The following TSBP1 variants were observed in gnomAD, a reference collection of about 807,000 sequenced individuals.
The protein encoded by TSBP1 is testis-expressed basic protein 1.
Under a neutral mutation model 68.8 loss-of-function variants are expected in TSBP1, and 56 were observed. The ratio of observed to expected loss-of-function variants is 0.81; its 90% CI spans 0.66 to 1.02. TSBP1 has a LOEUF of 1.02. Ranked by LOEUF, TSBP1 falls within the 50% of genes least tolerant of loss-of-function variation. The probability of loss-of-function intolerance (pLI) is 0.00; values close to 1 mark genes in which losing one functional copy is unlikely to be tolerated. For synonymous variants in TSBP1, 171 were observed against 208.7 expected (o/e 0.82, Z 1.56); for missense variants, 502 against 641.2 (o/e 0.78, Z 2.34).
Position 32,314,881 on chromosome 6 carries a change from G to A in TSBP1, c.580+891C>T, listed in dbSNP as rs183469338. 6.6e-6 allele frequency among the ~76,000 whole-genome samples: 1 copy of A among 152,058 alleles called. No individual in the cohort carries two copies. The highest frequency in any genetic ancestry group is 1.5e-5 in the Non-Finnish European group (1 of 68,012). ...CTAGATGTGAATTCTTGCATGAAGA[G>A]GTTGGCTGGAGCTGGGCAGCAGCTA... On this transcript the variant is annotated intron_variant, in intron 19 of 22. Transcript: ENST00000612031. This position sits in a 1 kb window ranked among gnomAD's most constrained non-coding sequence, Gnocchi z 4.2.
intron 18 of TSBP1, among the ~76,000 whole-genome samples, chr6:32,318,527 A>C (rs914438247): frequency 5.3e-5 from 8 of 152,242 alleles, no homozygotes; most frequent in Non-Finnish European, 1.5e-5. Flanking sequence ...AAGCTAAAAA[A>C]AGCCAACCAA....
chr6:32,367,739 C>T (rs3129931), intron 4 of TSBP1, among the ~76,000 whole-genome samples, 186 bp downstream of exon 4: 116,873 of 152,078 alleles, frequency 0.77, 45,193 homozygotes, highest in South Asian at 0.9. Flanking sequence ...AGAAGGAGAA[C>T]TATTTACCTT....
chr6:32,339,766 G>T, intron 9 of TSBP1, 128 bp from the exon 11 acceptor site: 2 of 500,442 alleles, frequency 4.0e-6, no homozygotes, highest in Admixed American at 3.1e-5. Context: ...TTAAAGAGCT[G>T]AGTCCGACTT....
intron 16 of TSBP1, among the ~76,000 whole-genome samples, chr6:32,326,932 T>C (rs1277739712): frequency 6.6e-6 from 1 of 152,208 alleles, no homozygotes; most frequent in Non-Finnish European, 1.5e-5. Context: ...CTGGAAATCC[T>C]GCAGGGGATT....
chr6:32,330,656 A>T, intron 15 of TSBP1, 47 bp from the exon 17 acceptor site: 1 of 1,491,674 alleles, frequency 6.7e-7, no homozygotes, highest in Non-Finnish European at 9.1e-7. Flanking sequence ...ACACACACAC[A>T]CACACACACA....
chr6:32,363,057 G>A (rs1773245285), intron 6 of TSBP1, among the ~76,000 whole-genome samples: 1 of 152,094 alleles, frequency 6.6e-6, no homozygotes, highest in African/African-American at 2.4e-5. Context: ...CTGACATTAT[G>A]TGCATATGTA....
At position 32,315,786 on chromosome 6, in the gene TSBP1, G is replaced by A. The variant is rs529833318; in HGVS notation, c.566C>T (p.Ser189Leu). Residue 189 changes from serine to leucine, a missense_variant, in exon 19 of 23, where the codon TCG becomes TTG. Physicochemically the swap from Ser to Leu is moderately radical, Grantham distance 145. Coordinates refer to ENST00000612031, the Ensembl canonical transcript of TSBP1. The surrounding 1 kb of genome is among the most constrained non-coding windows in gnomAD (Gnocchi z 5.4). ...AAAGAACTTACTTGCAGTTCTCTGCGAAATTACTAAAAAATAAGCAAAAAG... is the reference window on the plus strand; with the variant it reads ...AAAGAACTTACTTGCAGTTCTCTGCAAAATTACTAAAAAATAAGCAAAAAG... The A allele has an allele frequency of 7.5e-5, 113 of 1,510,326 alleles. No individual in the cohort carries two copies. Among genetic ancestry groups the A allele is most frequent in the Middle Eastern group, 3.4e-4 (2 of 5,900 alleles). The allele number at this position is 1,510,326 out of a possible 1,614,324, so 93.6% of individuals were successfully genotyped here.
chr6:32,323,622 A>G lies in TSBP1; in HGVS notation c.515-8T>C. On this transcript the variant is annotated splice_polypyrimidine_tract_variant and splice_region_variant and intron_variant, in intron 16 of 22. Coordinates refer to ENST00000612031, the Ensembl canonical transcript of TSBP1. ...GTGCTGAAGGTGGACCAGCTGAAAA[A>G]CAGAGAGGTATCTTAGCAACTGTTT... The G allele has an allele frequency of 1.2e-6, 2 of 1,612,230 alleles. No homozygotes were observed. The highest frequency in any genetic ancestry group is 1.7e-6 in the Non-Finnish European group (2 of 1,179,410).
chr6:32,296,124 G>A (rs1054799201), intron 22 of TSBP1, among the ~76,000 whole-genome samples: 1 of 152,048 alleles, frequency 6.6e-6, no homozygotes, highest in South Asian at 2.1e-4. Context: ...GATTACAGGC[G>A]TGAGCCACCA....
chr6:32,332,044 T>A, exon 15 of TSBP1: 1 of 1,600,048 alleles, frequency 6.2e-7, no homozygotes. Context: ...CAATAGGTCC[T>A]GGAGTTTGCA....
At chr6:32,349,326 C>T (rs992830728) in intron 9 of TSBP1, among the ~76,000 whole-genome samples, 7 of 151,954 alleles carry the variant, frequency 4.6e-5, no homozygotes, top group African/African-American at 1.7e-4. Context: ...TCCATTGCTG[C>T]CAGCCTGACT....
At chr6:32,323,003 G>A (rs1767806238) in intron 18 of TSBP1, 114 bp downstream of exon 19, 1 of 746,812 alleles carries the variant, frequency 1.3e-6, no homozygotes, top group Non-Finnish European at 2.2e-6. Context: ...AAATTATAGG[G>A]CAAGCAGGGT....
chr6:32,343,025 G>A lies in TSBP1; in HGVS notation c.350-3387C>T, dbSNP rs1196766676. ...TAAAATAATTTGCTTAAGCAAGGTG[G>A]GAGGTCTCATTGTCTTAGAGAGGGG... On this transcript the variant is annotated intron_variant, in intron 9 of 22. Transcript: ENST00000612031. The surrounding 1 kb of genome is among the most constrained non-coding windows in gnomAD (Gnocchi z 4.3). Among the ~76,000 whole-genome samples the A allele has an allele frequency of 6.6e-6, 1 of 152,186 alleles. No homozygotes were observed. Among genetic ancestry groups the A allele is most frequent in the African/African-American group, 2.4e-5 (1 of 41,444 alleles).
At chr6:32,339,708 C>T (rs879326192) in intron 9 of TSBP1, 70 bp from the exon 11 acceptor site, 13 of 676,988 alleles carry the variant, frequency 1.9e-5, no homozygotes, top group Non-Finnish European at 2.9e-5. Flanking sequence ...GATAGACAAT[C>T]CCATTCCCTC....
chr6:32,344,590 G>C (rs1052938478), intron 9 of TSBP1, among the ~76,000 whole-genome samples: 1 of 152,026 alleles, frequency 6.6e-6, no homozygotes, highest in African/African-American at 2.4e-5. Flanking sequence ...TTGCTTAAAA[G>C]CATCAGCGTT....
chr6:32,364,674 G>A lies in TSBP1; in HGVS notation c.217+1493C>T, dbSNP rs570742760. Reference sequence around the variant, plus strand: ...TTTGTGTTGTCTTGTAGCTCACTGAGCTTTCTTATAACAATTGTTTTGGAT... The same window carrying A: ...TTTGTGTTGTCTTGTAGCTCACTGAACTTTCTTATAACAATTGTTTTGGAT... On this transcript the variant is annotated intron_variant, in intron 6 of 22. Transcript: ENST00000612031. Among the ~76,000 whole-genome samples, 65 of 151,958 alleles carry A rather than the reference G, an allele frequency of 4.3e-4. 1 individual carries two copies. The highest frequency in any genetic ancestry group is 1.5e-3 in the African/African-American group (63 of 41,450).
chr6:32,308,957 C>CTTTTTTT (rs9279571), intron 19 of TSBP1, among the ~76,000 whole-genome samples: 1 of 122,050 alleles, frequency 8.2e-6, no homozygotes, highest in Admixed American at 9.0e-5. Flanking sequence ...TTTCTTCCTG[C>CTTTTTTT]TTTTTTTTTT....
intron 17 of TSBP1, 88 bp from the exon 19 acceptor site, chr6:32,323,225 T>TG: frequency 1.2e-6 from 1 of 832,152 alleles, no homozygotes; most frequent in Non-Finnish European, 2.0e-6. Context: ...GGGAGAAACT[T>TG]GGACACCTTT....
intron 19 of TSBP1, among the ~76,000 whole-genome samples, chr6:32,305,692 T>G (rs532421009): frequency 6.6e-6 from 1 of 152,254 alleles, no homozygotes; most frequent in Non-Finnish European, 1.5e-5. Context: ...GATGGGGTTT[T>G]GCCATGTTGG....
Sources: gnomAD v4.1 joint callset for allele counts (sites outside exome capture counted in the v4.1 genomes callset) on GRCh38, gnomAD v4.1.1 for gene constraint, Gnocchi (gnomAD v3.1) non-coding constraint, MANE v1.5 for transcripts, NCBI Gene and HGNC (gene_info 2026-07-23, HGNC 2026-07-21) for gene names.